Variants in NFIA observed in about 807,000 individuals in gnomAD.
NFIA encodes the protein nuclear factor I A, also known as nuclear factor 1 A-type.
A neutral mutation model predicts 62.8 loss-of-function variants in NFIA; 8 were observed. The observed-to-expected ratio is 0.13, with a 90% CI of 0.07 to 0.23. The LOEUF (loss-of-function observed/expected upper bound fraction) is 0.23. Among genes scored for constraint, NFIA ranks in the 10% least tolerant of loss-of-function variants. The pLI is 1.00. For synonymous variants in NFIA, 235 were observed against 238.1 expected (o/e 0.99, Z 0.12); for missense variants, 410 against 642.1 (o/e 0.64, Z 3.91).
intron 4 of NFIA, among the ~76,000 whole-genome samples, chr1:61,341,548 G>A (rs1310376205): frequency 1.3e-5 from 2 of 151,040 alleles, no homozygotes; most frequent in Non-Finnish European, 2.9e-5. Context: ...ATACAATCAT[G>A]GCTCCCTGTA....
chr1:61,317,194 A>C (rs1660410532), intron 3 of NFIA, among the ~76,000 whole-genome samples: 1 of 151,962 alleles, frequency 6.6e-6, no homozygotes, highest in Non-Finnish European at 1.5e-5. Context: ...TGGAAAAAGG[A>C]GGCCATTTTT....
intron 3 of NFIA, among the ~76,000 whole-genome samples, chr1:61,286,036 T>C (rs776387854): frequency 6.6e-6 from 1 of 152,196 alleles, no homozygotes; most frequent in Non-Finnish European, 1.5e-5. Flanking sequence ...ATTAAAAGCC[T>C]GACACTGAGC....
chr1:61,092,388 A>G lies in NFIA; in HGVS notation c.559+3708A>G, dbSNP rs370824584. On this transcript the variant is annotated intron_variant, in intron 2 of 10. Coordinates refer to ENST00000403491, the MANE Select transcript of NFIA (RefSeq NM_001134673.4). ...GTTAGTTTTAAGGTAGAAAGAGAAC[A>G]CTTTTGCACGGTAATCTTTTAGTGC... Among the ~76,000 whole-genome samples, 6 of 152,284 alleles carry G rather than the reference A, an allele frequency of 3.9e-5. No individual in the cohort carries two copies. In the South Asian group the frequency reaches 1.2e-3, roughly 32 times the overall value.
intron 2 of NFIA, among the ~76,000 whole-genome samples, chr1:61,203,116 A>G (rs966967013): frequency 1.3e-5 from 2 of 152,184 alleles, no homozygotes; most frequent in African/African-American, 4.8e-5. Context: ...TTGGTGCGAG[A>G]GCTTAACCTT....
chr1:61,254,955 C>T (rs1324816024), intron 2 of NFIA, among the ~76,000 whole-genome samples: 1 of 152,176 alleles, frequency 6.6e-6, no homozygotes, highest in African/African-American at 2.4e-5. Flanking sequence ...CCCCGAGCAG[C>T]AGGTGACCCT....
chr1:61,397,030 C>A (rs764098289), intron 7 of NFIA, among the ~76,000 whole-genome samples: 1 of 151,764 alleles, frequency 6.6e-6, no homozygotes, highest in African/African-American at 2.4e-5. Flanking sequence ...TAATAATGCC[C>A]GGTTGGCAGG....
intron 7 of NFIA, among the ~76,000 whole-genome samples, chr1:61,384,816 G>A (rs186971832): frequency 3.4e-4 from 52 of 152,100 alleles, no homozygotes; most frequent in African/African-American, 1.2e-3. Context: ...GACCGTGGAG[G>A]TTCATTCACT....
rs557721945 is a variant in NFIA at position 61,150,552 on chromosome 1, G to A, written c.559+61872G>A. On this transcript the variant is annotated intron_variant, in intron 2 of 10. Transcript: ENST00000403491. The stretch of plus-strand genomic sequence containing the variant: ...ATATATACTGAGAAGGTATTTTGGG[G>A]GGAAATTTTAAAATTCTTATCTGAC... Among the ~76,000 whole-genome samples the A allele has an allele frequency of 5.9e-5, 9 of 152,244 alleles. No homozygotes were observed. In the East Asian group the frequency reaches 1.7e-3, roughly 29 times the overall value.
At chr1:61,441,794 A>G (rs917534937) in intron 10 of NFIA, among the ~76,000 whole-genome samples, 8 of 152,150 alleles carry the variant, frequency 5.3e-5, no homozygotes, top group Admixed American at 1.3e-4. Flanking sequence ...ATTACCATTT[A>G]GCTAGGGCCA....
intron 7 of NFIA, among the ~76,000 whole-genome samples, chr1:61,383,728 A>G (rs2474394): frequency 0.24 from 36,598 of 152,196 alleles, 4,820 homozygotes; most frequent in African/African-American, 0.36. Context: ...GCGTGCACAC[A>G]TGCATGCATT....
In NFIA at chr1:61,128,044, G is replaced by A. The variant is rs146280346; in HGVS notation, c.559+39364G>A. ...GCATCTGGCAAATCTTATTTCATGTGACTTTATTTTGGCTGAATGGCCTAA... is the reference window on the plus strand; with the variant it reads ...GCATCTGGCAAATCTTATTTCATGTAACTTTATTTTGGCTGAATGGCCTAA... On this transcript the variant is annotated intron_variant, in intron 2 of 10. Transcript: ENST00000403491. 2.2e-4 allele frequency among the ~76,000 whole-genome samples: 33 copies of A among 152,236 alleles called. 2 individuals carry two copies. In the East Asian group the frequency reaches 6.4e-3, roughly 30 times the overall value.
intron 2 of NFIA, among the ~76,000 whole-genome samples, chr1:61,100,297 G>A (rs1646485941): frequency 6.6e-6 from 1 of 152,088 alleles, no homozygotes; most frequent in Admixed American, 6.5e-5. Context: ...ATTTCCATCG[G>A]TGCGGATGCT....
chr1:61,377,222 C>CAATAAA (rs71050123), intron 6 of NFIA, among the ~76,000 whole-genome samples: 27,656 of 150,134 alleles, frequency 0.18, 2,887 homozygotes, highest in East Asian at 0.33. Context: ...GACTCCATCT[C>CAATAAA]AAAAAAAAGA....
intron 10 of NFIA, among the ~76,000 whole-genome samples, 189 bp downstream of exon 10, chr1:61,426,745 T>G (rs985361547): frequency 4.6e-5 from 7 of 152,302 alleles, no homozygotes; most frequent in Middle Eastern, 6.8e-3. Flanking sequence ...CAATTTTTGC[T>G]TCTTGTATTG....
At chr1:61,268,525 A>C (rs1657314203) in intron 2 of NFIA, among the ~76,000 whole-genome samples, 1 of 151,698 alleles carries the variant, frequency 6.6e-6, no homozygotes. Flanking sequence ...AGGGAGCCTT[A>C]GTTCTGAGGG....
intron 2 of NFIA, among the ~76,000 whole-genome samples, chr1:61,202,724 T>TA (rs1004027871): frequency 7.9e-5 from 12 of 152,160 alleles, no homozygotes; most frequent in Admixed American, 7.2e-4. Flanking sequence ...GTTTTATTTA[T>TA]AAAACAAAAA....
intron 2 of NFIA, among the ~76,000 whole-genome samples, chr1:61,183,344 G>A (rs1650884619): frequency 6.6e-6 from 1 of 152,180 alleles, no homozygotes; most frequent in Admixed American, 6.5e-5. Context: ...TATCTAGGTA[G>A]TTTCAAGGAG....
intron 3 of NFIA, among the ~76,000 whole-genome samples, chr1:61,303,387 G>T (rs991518690): frequency 3.9e-5 from 6 of 152,178 alleles, no homozygotes; most frequent in Non-Finnish European, 8.8e-5. Context: ...AGTATCTAGT[G>T]CATGAGATGA....
chr1:61,237,322 T>G (rs1655068631), intron 2 of NFIA, among the ~76,000 whole-genome samples: 1 of 152,174 alleles, frequency 6.6e-6, no homozygotes, highest in African/African-American at 2.4e-5. Flanking sequence ...ATAGGTGGTG[T>G]TTGGTTACAT....
Sources: gnomAD v4.1 joint callset for allele counts (sites outside exome capture counted in the v4.1 genomes callset) on GRCh38, gnomAD v4.1.1 for gene constraint, MANE v1.5 for transcripts, NCBI Gene and HGNC (gene_info 2026-07-23, HGNC 2026-07-21) for gene names.